ADAMTS17: variants seen among roughly 807,000 people sequenced by gnomAD.
The protein encoded by ADAMTS17 is ADAM metallopeptidase with thrombospondin type 1 motif 17, also known as A disintegrin and metalloproteinase with thrombospondin motifs 17.
ADAMTS17 carries 113 observed loss-of-function variants against 141.5 expected under a neutral mutation model. The ratio of observed to expected loss-of-function variants is 0.80; its 90% confidence interval spans 0.69 to 0.93. The LOEUF is 0.93. ADAMTS17 is among the 40% of genes least tolerant of loss of function. The pLI is 0.00. For missense variants in ADAMTS17, 1,659 were observed against 1,517.9 expected (o/e 1.09, Z -1.54); for synonymous variants, 768 against 630.6 (o/e 1.22, Z -3.27).
chr15:100,084,768 C>G (rs540024257), intron 15 of ADAMTS17, among the ~76,000 whole-genome samples: 124 of 152,326 alleles, frequency 8.1e-4, no homozygotes, highest in African/African-American at 2.9e-3. Context: ...TCCAACAGAC[C>G]TGTAGCTGAG....
intron 12 of ADAMTS17, among the ~76,000 whole-genome samples, chr15:100,126,640 G>A (rs2037749623): frequency 6.6e-6 from 1 of 152,200 alleles, no homozygotes; most frequent in Non-Finnish European, 1.5e-5. Flanking sequence ...TGGCCTAATC[G>A]TTTATGATCA....
chr15:100,302,575 T>C (rs1179016664), intron 3 of ADAMTS17, among the ~76,000 whole-genome samples: 1 of 152,220 alleles, frequency 6.6e-6, no homozygotes, highest in Non-Finnish European at 1.5e-5. Flanking sequence ...TCTTTTTTAC[T>C]ATAACCATCC....
chr15:100,300,223 C>T (rs1188223044), intron 3 of ADAMTS17, among the ~76,000 whole-genome samples: 1 of 152,062 alleles, frequency 6.6e-6, no homozygotes, highest in Non-Finnish European at 1.5e-5. Context: ...CCCCAGATGT[C>T]CCTCAAGATA....
intron 14 of ADAMTS17, among the ~76,000 whole-genome samples, chr15:100,107,603 C>G (rs34447144): frequency 0.26 from 39,471 of 151,772 alleles, 5,540 homozygotes; most frequent in East Asian, 0.37. Context: ...GGATGTTTTG[C>G]GAGGTGACTG....
At chr15:100,152,847 A>G in intron 9 of ADAMTS17, 85 bp from the exon 10 acceptor site, 1 of 1,504,974 alleles carries the variant, frequency 6.6e-7, no homozygotes. Flanking sequence ...TTGAGTTTTC[A>G]GTCACTGAGA....
chr15:100,053,687 G>A (rs1398422716), intron 16 of ADAMTS17, among the ~76,000 whole-genome samples: 1 of 152,154 alleles, frequency 6.6e-6, no homozygotes, highest in Non-Finnish European at 1.5e-5. Flanking sequence ...GGGAAGCAAT[G>A]AGAGAATTCT....
At chr15:100,073,411 G>A (rs1245274336) in intron 15 of ADAMTS17, among the ~76,000 whole-genome samples, 1 of 152,094 alleles carries the variant, frequency 6.6e-6, no homozygotes, top group Non-Finnish European at 1.5e-5. Flanking sequence ...TCCCATTACT[G>A]GGTGTATACC....
intron 3 of ADAMTS17, among the ~76,000 whole-genome samples, chr15:100,309,453 C>A (rs551045452): frequency 1.3e-5 from 2 of 152,212 alleles, no homozygotes; most frequent in South Asian, 4.1e-4. Context: ...GTGCCCCCTG[C>A]CCAAGCCCCC....
In ADAMTS17 at chr15:100,096,455, T is replaced by A. The variant is rs1567165993; in HGVS notation, c.2038A>T (p.Ile680Phe). ...KCQKIGCDGI[I>F]GSAAKEDRCG... The stretch of plus-strand genomic sequence containing the variant: ...CTGTCCTCTTTGGCTGCAGACCCGA[T>A]GATGCCGTCACAGCCGATTTTCTAA... Residue 680 changes from isoleucine (I) to phenylalanine (F), a missense_variant, in exon 15 of 22, where the codon ATC (isoleucine) becomes TTC (phenylalanine). By Grantham distance (21) the Ile-to-Phe change is conservative (BLOSUM62 0). Transcript: ENST00000268070. 9 of 1,614,186 alleles carry A rather than the reference T, an allele frequency of 5.6e-6. No individual in the cohort carries two copies. In the East Asian group the frequency reaches 1.8e-4, roughly 32 times the overall value.
intron 8 of ADAMTS17, among the ~76,000 whole-genome samples, chr15:100,193,677 C>T (rs2041005106): frequency 6.6e-6 from 1 of 152,212 alleles, no homozygotes; most frequent in Non-Finnish European, 1.5e-5. Context: ...ACGCCCAGTG[C>T]TCCTGCTGCG....
intron 15 of ADAMTS17, among the ~76,000 whole-genome samples, chr15:100,093,445 G>A (rs2035585843): frequency 6.6e-6 from 1 of 152,096 alleles, no homozygotes. Flanking sequence ...ATTCTTTAGG[G>A]GCAAGCAGAG....
chr15:100,213,479 G>GCACACACAC (rs1217321824), intron 7 of ADAMTS17, among the ~76,000 whole-genome samples: 52 of 152,226 alleles, frequency 3.4e-4, no homozygotes, highest in African/African-American at 1.2e-3. Flanking sequence ...CCCGTCCACA[G>GCACACACAC]CACACACACC....
intron 14 of ADAMTS17, among the ~76,000 whole-genome samples, chr15:100,103,103 G>A (rs1022866935): frequency 2.6e-5 from 4 of 152,188 alleles, no homozygotes; most frequent in Admixed American, 6.5e-5. Flanking sequence ...GTGGAGTCCC[G>A]CATGGAAGAG....
At chr15:100,116,293 G>A (rs965408565) in intron 13 of ADAMTS17, among the ~76,000 whole-genome samples, 1 of 152,024 alleles carries the variant, frequency 6.6e-6, no homozygotes, top group African/African-American at 2.4e-5. Flanking sequence ...TGGCCCGATG[G>A]GGCAGAGCCT....
chr15:100,222,869 G>A (rs774164708), intron 7 of ADAMTS17, among the ~76,000 whole-genome samples: 3 of 151,896 alleles, frequency 2.0e-5, no homozygotes, highest in South Asian at 2.1e-4. Flanking sequence ...GCCTAAGGGG[G>A]AGGCAGGCAC....
At position 99,973,005 on chromosome 15, in the gene ADAMTS17, C is replaced by G. The variant is rs2060242883; in HGVS notation, c.*1397G>C. On this transcript the variant is annotated 3_prime_UTR_variant, in exon 22 of 22. Coordinates refer to ENST00000268070, the MANE Select transcript of ADAMTS17 (RefSeq NM_139057.4). ...TTACGGTAAAGTCCTAGAACATAAGCACCCATGAAATGCCCACCAAGTTGG... is the reference window on the plus strand; with the variant it reads ...TTACGGTAAAGTCCTAGAACATAAGGACCCATGAAATGCCCACCAAGTTGG... The G allele has an allele frequency of 6.6e-6, 1 of 152,154 alleles. No homozygotes were observed. Among genetic ancestry groups the G allele is most frequent in the Non-Finnish European group, 1.5e-5 (1 of 68,038 alleles). The allele number at this position is 152,154 out of a possible 1,614,324, so 9.4% of individuals were successfully genotyped here. A position where few individuals can be genotyped will look rare whatever the true frequency, so the allele number is the denominator to read the frequency against.
intron 7 of ADAMTS17, among the ~76,000 whole-genome samples, chr15:100,237,742 G>C (rs149210872): frequency 1.3e-5 from 2 of 152,252 alleles, no homozygotes; most frequent in South Asian, 2.1e-4. Context: ...TCCTGTCTCC[G>C]CCTCCCAAGT....
chr15:100,168,501 G>C (rs1443315796), intron 8 of ADAMTS17: 1 of 152,246 alleles, frequency 6.6e-6, no homozygotes, highest in East Asian at 1.9e-4. Flanking sequence ...TGCAGACACA[G>C]GGCTGGGACA....
At chr15:100,138,069 G>A (rs112556573) in intron 10 of ADAMTS17, among the ~76,000 whole-genome samples, 18 of 152,216 alleles carry the variant, frequency 1.2e-4, no homozygotes, top group African/African-American at 3.6e-4. Context: ...TCTGGGGCTG[G>A]CCTATCTCAG....
Sources: allele counts gnomAD v4.1 joint callset (sites outside exome capture counted in the v4.1 genomes callset), GRCh38; gene constraint gnomAD v4.1.1; transcripts MANE v1.5; gene names NCBI Gene and HGNC (gene_info 2026-07-23, HGNC 2026-07-21).